CUBN: variants seen among roughly 807,000 people sequenced by gnomAD.
CUBN encodes the protein 460 kDa receptor.
In CUBN, 282 loss-of-function variants were observed where a neutral mutation model predicts 405.3. The observed-to-expected ratio is 0.70, with a 90% CI of 0.63 to 0.77. The LOEUF is 0.77. Ranked by LOEUF, CUBN falls within the 30% of genes least tolerant of loss-of-function variation. The pLI, the probability that CUBN is intolerant of heterozygous loss-of-function variation, is 0.00. For missense variants in CUBN, 4,514 were observed against 4,475.2 expected, an observed-to-expected ratio of 1.01 and a Z score of -0.25; for synonymous variants, 1,684 against 1,617.0, an observed-to-expected ratio of 1.04 and a Z score of -0.99.
intron 59 of CUBN, among the ~76,000 whole-genome samples, chr10:16,867,049 T>A (rs1263195495): frequency 6.6e-6 from 1 of 152,204 alleles, no homozygotes; most frequent in Non-Finnish European, 1.5e-5. Flanking sequence ...GCCAAGTGTA[T>A]AATCTAAATA....
At chr10:16,975,388 G>C (rs1023019420) in intron 31 of CUBN, among the ~76,000 whole-genome samples, 2 of 152,168 alleles carry the variant, frequency 1.3e-5, no homozygotes, top group African/African-American at 4.8e-5. Flanking sequence ...CCATGTAGGT[G>C]GAAAACCCTC....
chr10:17,115,734 T>G, intron 6 of CUBN, 137 bp from the exon 7 acceptor site: 1 of 1,054,286 alleles, frequency 9.5e-7, no homozygotes. Context: ...AATGCAAATT[T>G]ACTGACTGGA....
chr10:17,071,718 G>T, intron 18 of CUBN, 109 bp downstream of exon 18: 12 of 1,487,624 alleles, frequency 8.1e-6, no homozygotes, highest in Non-Finnish European at 1.1e-5. Flanking sequence ...ATTTCTATGA[G>T]AATATTTTCC....
intron 34 of CUBN, among the ~76,000 whole-genome samples, chr10:16,949,798 T>C (rs1285688470): frequency 6.6e-6 from 1 of 152,178 alleles, no homozygotes; most frequent in Non-Finnish European, 1.5e-5. Flanking sequence ...TTCACACGTT[T>C]GAATATATTA....
chr10:17,040,924 G>T, intron 27 of CUBN, 109 bp downstream of exon 27: 1 of 985,766 alleles, frequency 1.0e-6, no homozygotes, highest in Non-Finnish European at 1.6e-6. Context: ...TGTTATAGAT[G>T]CGTGGGGCAG....
chr10:17,087,472 CTT>C (rs775573918), intron 15 of CUBN, among the ~76,000 whole-genome samples: 3 of 71,710 alleles, frequency 4.2e-5, no homozygotes, highest in African/African-American at 9.5e-5. Flanking sequence ...TTTTCTTTTT[CTT>C]TTTTTTTTTT....
At chr10:16,831,675 G>A (rs552122096) in intron 64 of CUBN, among the ~76,000 whole-genome samples, 2 of 152,100 alleles carry the variant, frequency 1.3e-5, no homozygotes, top group Admixed American at 1.3e-4. Flanking sequence ...AAAACACCAG[G>A]CAGCTTTTTT....
intron 36 of CUBN, among the ~76,000 whole-genome samples, chr10:16,945,041 A>G (rs1842739171): frequency 6.6e-6 from 1 of 152,222 alleles, no homozygotes; most frequent in Admixed American, 6.5e-5. Flanking sequence ...TATCCCACAG[A>G]AATAAAATGA....
intron 45 of CUBN, 130 bp from the exon 46 acceptor site, chr10:16,916,160 T>C (rs1304111715): frequency 2.5e-6 from 2 of 801,780 alleles, no homozygotes; most frequent in African/African-American, 3.5e-5. Context: ...TGACTCTGAA[T>C]TGAAGTTTTA....
intron 48 of CUBN, 80 bp from the exon 49 acceptor site, chr10:16,907,759 G>C: frequency 6.8e-7 from 1 of 1,466,838 alleles, no homozygotes; most frequent in Non-Finnish European, 9.5e-7. Flanking sequence ...TTCCAGCCCA[G>C]ACCCACTTCC....
chr10:16,985,816 G>T (rs758237211), intron 29 of CUBN, among the ~76,000 whole-genome samples: 3 of 152,238 alleles, frequency 2.0e-5, no homozygotes, highest in African/African-American at 4.8e-5. Context: ...TATCACACAT[G>T]ACTTCAGACC....
At chr10:17,036,179 T>C (rs1368932671) in intron 27 of CUBN, among the ~76,000 whole-genome samples, 1 of 152,122 alleles carries the variant, frequency 6.6e-6, no homozygotes, top group African/African-American at 2.4e-5. Flanking sequence ...ATGCATTTGC[T>C]GTCGAGCTCA....
Position 17,085,730 on chromosome 10 carries a change from G to C in CUBN, c.1977C>G (p.Pro659=). The change falls in exon 16 of 67, where the codon CCC becomes CCG. Residue 659 remains proline (P), a synonymous_variant. Transcript: ENST00000377833. ...EIRDGPLYQD[P]LLGKFCTTFS... Reference sequence around the variant, plus strand: ...AAGTGGTGCAGAACTTCCCAAGAAGGGGGTCCTGATACAAAGGACCATCTC... The same window carrying C: ...AAGTGGTGCAGAACTTCCCAAGAAGCGGGTCCTGATACAAAGGACCATCTC... 6.2e-7 allele frequency: 1 copy of C among 1,614,010 alleles called. No individual in the cohort carries two copies. Among genetic ancestry groups the C allele is most frequent in the Non-Finnish European group, 8.5e-7 (1 of 1,179,956 alleles).
intron 14 of CUBN, among the ~76,000 whole-genome samples, chr10:17,090,721 G>A (rs1588635877): frequency 6.8e-6 from 1 of 147,490 alleles, no homozygotes; most frequent in Admixed American, 6.8e-5. Flanking sequence ...TATTAGTATT[G>A]TTATTTTGAA....
chr10:16,949,929 C>T, intron 34 of CUBN, 72 bp downstream of exon 34: 9 of 1,096,430 alleles, frequency 8.2e-6, no homozygotes, highest in Non-Finnish European at 1.2e-5. Flanking sequence ...AGAATGGCAG[C>T]CTATAAATAT....
chr10:16,842,988 C>G (rs1161026777), intron 60 of CUBN, among the ~76,000 whole-genome samples: 1 of 152,212 alleles, frequency 6.6e-6, no homozygotes, highest in Non-Finnish European at 1.5e-5. Flanking sequence ...GAAGCCAATG[C>G]TATTGAATGT....
At chr10:16,909,146 A>G (rs1841650101) in intron 48 of CUBN, among the ~76,000 whole-genome samples, 1 of 151,904 alleles carries the variant, frequency 6.6e-6, no homozygotes, top group African/African-American at 2.4e-5. Context: ...CGGCCTCCCA[A>G]AGTGCTGGGA....
intron 28 of CUBN, among the ~76,000 whole-genome samples, chr10:17,014,702 A>G (rs926652667): frequency 1.3e-5 from 2 of 152,212 alleles, no homozygotes; most frequent in Admixed American, 6.5e-5. Context: ...TGAGGCTTCC[A>G]AACAGGTAGC....
intron 31 of CUBN, among the ~76,000 whole-genome samples, chr10:16,976,357 T>C (rs986553070): frequency 6.6e-6 from 1 of 152,134 alleles, no homozygotes; most frequent in Admixed American, 6.5e-5. Context: ...AATATATCAG[T>C]CTATTGTCTT....
Sources: gnomAD v4.1 joint callset for allele counts (sites outside exome capture counted in the v4.1 genomes callset) on GRCh38, gnomAD v4.1.1 for gene constraint, MANE v1.5 for transcripts, NCBI Gene and HGNC (gene_info 2026-07-23, HGNC 2026-07-21) for gene names.